Variants in ADAMTS6 observed in about 807,000 individuals in gnomAD.
The protein encoded by ADAMTS6 is A disintegrin and metalloproteinase with thrombospondin motifs 6.
Under a neutral mutation model 144.3 loss-of-function variants are expected in ADAMTS6, and 23 were observed. The observed-to-expected ratio is 0.16, with a 90% confidence interval of 0.11 to 0.23. The LOEUF is 0.23. Among genes scored for constraint, ADAMTS6 ranks in the 10% least tolerant of loss-of-function variants. ADAMTS6 has a pLI of 1.00. For synonymous variants in ADAMTS6, 444 were observed against 457.5 expected (o/e 0.97, Z 0.38); for missense variants, 999 against 1,379.6 (o/e 0.72, Z 4.37).
intron 7 of ADAMTS6, among the ~76,000 whole-genome samples, chr5:65,336,514 G>A (rs1354693364): frequency 1.3e-5 from 2 of 152,028 alleles, no homozygotes; most frequent in East Asian, 3.9e-4. Context: ...TAACACATCT[G>A]AGATTTGTCC....
rs944397898 is a variant in ADAMTS6, at chr5:65,306,804, G to A, written c.1224-6673C>T. Among the ~76,000 whole-genome samples, 7 of 152,182 alleles carry A rather than the reference G, an allele frequency of 4.6e-5. No individual in the cohort carries two copies. The South Asian group carries it at 8.3e-4, about 18-fold the overall frequency. On this transcript the variant is annotated intron_variant, in intron 9 of 24. Coordinates refer to ENST00000381055, the MANE Select transcript of ADAMTS6 (RefSeq NM_197941.4). ...AATTAGGTTGAACATCTTTTTATACGCTTATTGACATCTCAGATGCCTTCT... is the reference window on the plus strand; with the variant it reads ...AATTAGGTTGAACATCTTTTTATACACTTATTGACATCTCAGATGCCTTCT...
At chr5:65,439,490 A>C (rs931369548) in intron 7 of ADAMTS6, among the ~76,000 whole-genome samples, 2 of 152,182 alleles carry the variant, frequency 1.3e-5, no homozygotes, top group Non-Finnish European at 2.9e-5. Context: ...TCCTGAGGAA[A>C]CATCAGAAAA....
chr5:65,280,576 C>T, intron 11 of ADAMTS6, among the ~76,000 whole-genome samples: 1 of 152,140 alleles, frequency 6.6e-6, no homozygotes, highest in African/African-American at 2.4e-5. Context: ...TACTAGGAAA[C>T]ATTCACACAT....
In ADAMTS6 at chr5:65,194,458, G is replaced by A. The variant is rs186885876; in HGVS notation, c.2705+2564C>T. Among the ~76,000 whole-genome samples the A allele has an allele frequency of 7.3e-4, 111 of 152,214 alleles. 2 individuals are homozygous for A. In the East Asian group the frequency reaches 0.015, roughly 21 times the overall value. On this transcript the variant is annotated intron_variant, in intron 21 of 24. Coordinates refer to ENST00000381055, the MANE Select transcript of ADAMTS6 (RefSeq NM_197941.4). Reference sequence around the variant, plus strand: ...ATGGTAGTGTTCTGAGCACATTTACGGTGCACTGGGCTATGCTATGATGTT... The same window carrying A: ...ATGGTAGTGTTCTGAGCACATTTACAGTGCACTGGGCTATGCTATGATGTT...
intron 7 of ADAMTS6, among the ~76,000 whole-genome samples, chr5:65,355,157 C>T (rs1024562602): frequency 6.6e-6 from 1 of 151,660 alleles, no homozygotes; most frequent in Non-Finnish European, 1.5e-5. Flanking sequence ...TAATTTCTTC[C>T]TCTAGTTCCT....
intron 24 of ADAMTS6, among the ~76,000 whole-genome samples, chr5:65,158,426 G>A (rs1579911571): frequency 6.6e-6 from 1 of 152,240 alleles, no homozygotes; most frequent in Admixed American, 6.5e-5. Flanking sequence ...ACCAGCCCAT[G>A]GCACACCATG....
At chr5:65,302,585 A>G (rs946811555) in intron 9 of ADAMTS6, among the ~76,000 whole-genome samples, 15 of 151,932 alleles carry the variant, frequency 9.9e-5, no homozygotes, top group African/African-American at 2.9e-4. Flanking sequence ...ACAGTGGAGT[A>G]AGTCTCTTTG....
intron 22 of ADAMTS6, among the ~76,000 whole-genome samples, chr5:65,183,794 C>A (rs1754507790): frequency 1.3e-5 from 2 of 152,014 alleles, no homozygotes; most frequent in African/African-American, 4.8e-5. Flanking sequence ...TAGCCTATAC[C>A]CATGCAAAGA....
intron 7 of ADAMTS6, among the ~76,000 whole-genome samples, chr5:65,404,612 G>A (rs961626980): frequency 1.6e-4 from 24 of 152,256 alleles, no homozygotes; most frequent in African/African-American, 5.8e-4. Context: ...ACATACATGT[G>A]CATGTGTCTT....
intron 12 of ADAMTS6, among the ~76,000 whole-genome samples, chr5:65,266,524 C>T (rs1176317000): frequency 6.6e-6 from 1 of 151,894 alleles, no homozygotes; most frequent in Non-Finnish European, 1.5e-5. Flanking sequence ...AGTTAACTAG[C>T]TAACAAGTTA....
chr5:65,323,621 G>A (rs1422205317), intron 9 of ADAMTS6, among the ~76,000 whole-genome samples: 1 of 152,002 alleles, frequency 6.6e-6, no homozygotes, highest in African/African-American at 2.4e-5. Flanking sequence ...ATAATCCTTT[G>A]GGTATATACC....
At chr5:65,251,724 C>T (rs186070422) in intron 14 of ADAMTS6, 8 of 152,270 alleles carry the variant, frequency 5.3e-5, no homozygotes, top group Admixed American at 2.6e-4. Context: ...TGAATACCTT[C>T]GGCATCTAGG....
intron 9 of ADAMTS6, among the ~76,000 whole-genome samples, chr5:65,310,835 GATTTT>G (rs1168399306): frequency 1.3e-5 from 2 of 152,150 alleles, no homozygotes; most frequent in East Asian, 1.9e-4. Flanking sequence ...AAATGACTCT[GATTTT>G]ATTTTATGTT....
chr5:65,214,293 T>G lies in ADAMTS6; in HGVS notation c.2575+501A>C, dbSNP rs1438052008. ...AACCCAGAACCCAGATACCAGTAAT[T>G]ATTGTAGCATCCCAGTATACAGCCC... On this transcript the variant is annotated intron_variant, in intron 20 of 24. Transcript: ENST00000381055. This position sits in a 1 kb window ranked among gnomAD's most constrained non-coding sequence, Gnocchi z 4.6. 1 of 280,028 alleles carries G rather than the reference T, an allele frequency of 3.6e-6. No individual in the cohort carries two copies. Among genetic ancestry groups the G allele is most frequent in the Non-Finnish European group, 7.1e-6 (1 of 141,604 alleles). 17.3% of individuals were successfully genotyped at this position (280,028 alleles called of 1,614,324 possible).
intron 7 of ADAMTS6, among the ~76,000 whole-genome samples, chr5:65,338,242 C>CA (rs368917747): frequency 1.9e-3 from 296 of 152,298 alleles, no homozygotes; most frequent in African/African-American, 6.8e-3. Flanking sequence ...GAAAGTTGGT[C>CA]ATAGGGAATC....
chr5:65,406,636 T>C (rs10079866), intron 7 of ADAMTS6, among the ~76,000 whole-genome samples: 3,012 of 152,234 alleles, frequency 0.02, 104 homozygotes, highest in African/African-American at 0.069. Flanking sequence ...TGCCAGGCTT[T>C]GGTATCACGA....
Position 65,164,323 on chromosome 5 carries a change from C to T in ADAMTS6, c.3244+6294G>A, listed in dbSNP as rs559230569. On this transcript the variant is annotated intron_variant, in intron 24 of 24. Coordinates refer to ENST00000381055, the MANE Select transcript of ADAMTS6 (RefSeq NM_197941.4). Reference sequence around the variant, plus strand: ...CACCCGAATATTGCGCTTTTCAGACCGGCTTAAAAAACGGCGCACCAGGAG... The same window carrying T: ...CACCCGAATATTGCGCTTTTCAGACTGGCTTAAAAAACGGCGCACCAGGAG... 2.0e-4 allele frequency among the ~76,000 whole-genome samples: 30 copies of T among 152,202 alleles called. No individual in the cohort carries two copies. In the East Asian group the frequency reaches 2.7e-3, roughly 14 times the overall value.
At chr5:65,280,346 T>G (rs1019377652) in intron 11 of ADAMTS6, among the ~76,000 whole-genome samples, 3 of 152,174 alleles carry the variant, frequency 2.0e-5, no homozygotes, top group Non-Finnish European at 4.4e-5. Context: ...ACTTTTAAAC[T>G]ATAACACAAA....
intron 7 of ADAMTS6, among the ~76,000 whole-genome samples, chr5:65,368,497 A>G (rs1415137923): frequency 1.3e-5 from 2 of 152,194 alleles, no homozygotes; most frequent in African/African-American, 4.8e-5. Flanking sequence ...CCCTCAAGAT[A>G]ACTTCCCTTC....
Sources: allele counts gnomAD v4.1 joint callset (sites outside exome capture counted in the v4.1 genomes callset), GRCh38; gene constraint gnomAD v4.1.1; non-coding constraint Gnocchi (gnomAD v3.1); transcripts MANE v1.5; gene names NCBI Gene and HGNC (gene_info 2026-07-23, HGNC 2026-07-21).